Variants in AHNAK2 observed in about 807,000 individuals in gnomAD.
AHNAK2 encodes the protein protein AHNAK2.
In AHNAK2, 18 loss-of-function variants were observed where a neutral mutation model predicts 30.7. The observed-to-expected ratio is 0.59, with a 90% CI of 0.41 to 0.87. The LOEUF (loss-of-function observed/expected upper bound fraction) is 0.87. Ranked by LOEUF, AHNAK2 falls within the 40% of genes least tolerant of loss-of-function variation. The pLI is 0.00. For synonymous variants in AHNAK2, 3,590 were observed against 3,073.8 expected, an observed-to-expected ratio of 1.17 and a Z score of -5.56; for missense variants, 8,604 against 7,373.0, an observed-to-expected ratio of 1.17 and a Z score of -6.11.
intron 3 of AHNAK2, 105 bp from the exon 4 acceptor site, chr14:104,956,794 C>T (rs1364101788): frequency 9.7e-7 from 1 of 1,029,630 alleles, no homozygotes; most frequent in African/African-American, 1.6e-5. Flanking sequence ...CAGAGGGGCC[C>T]AGAACTTCCA....
intron 1 of AHNAK2, among the ~76,000 whole-genome samples, chr14:104,962,334 C>T (rs1299525937): frequency 6.6e-6 from 1 of 152,206 alleles, no homozygotes; most frequent in Non-Finnish European, 1.5e-5. Context: ...CCAGTGGAAT[C>T]AAGACAGTGC....
At position 104,941,212 on chromosome 14, in the gene AHNAK2, G is replaced by T; in HGVS notation, c.14239C>A (p.Gln4747Lys). The T allele has an allele frequency of 1.2e-6, 2 of 1,613,642 alleles. No homozygotes were observed. The highest frequency in any genetic ancestry group is 1.6e-4 in the Middle Eastern group (1 of 6,062). ...SSSECSSFEL[Q>K]QVSACSEPSM... is the part of the protein sequence containing the mutation. ...GGCTCTGAACAAGCCGAAACCTGTT[G>T]TAATTCAAAACTTGAGCATTCTGAA... The change falls in exon 7 of 7, where the codon CAA (glutamine) becomes AAA (lysine). Residue 4747 changes from glutamine (Q) to lysine (K), a missense_variant. Physicochemically the swap from Gln to Lys is moderately conservative, Grantham distance 53 (BLOSUM62 1). Transcript: ENST00000333244.
Position 104,942,768 on chromosome 14 carries a change from T to C in AHNAK2, c.12683A>G (p.Lys4228Arg), listed in dbSNP as rs200965863. The C allele has an allele frequency of 4.0e-4, 643 of 1,612,554 alleles. No homozygotes were observed. Among genetic ancestry groups the C allele is most frequent in the Non-Finnish European group, 5.3e-4 (620 of 1,179,528 alleles). Residue 4228 changes from lysine to arginine, a missense_variant, in exon 7 of 7, where the codon AAA becomes AGA. By Grantham distance (26) the Lys-to-Arg change is conservative. Transcript: ENST00000333244. ...KVQMPCLKMPKVALKGPQVDV... is the reference protein window; with the variant it reads ...KVQMPCLKMPRVALKGPQVDV... ...CACCTGGGGGCCCTTGAGGGCCACT[T>C]TGGGCATCTTCAAACAGGGCATCTG... is the stretch of plus-strand genomic sequence containing the variant.
rs1398909356 is a variant in AHNAK2, at chr14:104,946,897, T to C, written c.8554A>G (p.Met2852Val). The C allele has an allele frequency of 6.2e-7, 1 of 1,612,522 alleles. No individual in the cohort carries two copies. The highest frequency in any genetic ancestry group is 2.2e-5 in the East Asian group (1 of 44,700). The change falls in exon 7 of 7, where the codon ATG becomes GTG. Residue 2852 changes from methionine to valine, a missense_variant. Transcript: ENST00000333244. ...KVEADGSFPS[M>V]QGDLKTTDIR... ...TCAGTGGTCTTAAGATCCCCTTGCA[T>C]GGAGGGGAAGCTCCCGTCAGCTTCC... is the stretch of plus-strand genomic sequence containing the variant.
intron 4 of AHNAK2, 137 bp from the exon 5 acceptor site, chr14:104,955,770 G>A: frequency 8.2e-7 from 1 of 1,213,954 alleles, no homozygotes; most frequent in South Asian, 1.9e-5. Context: ...AGCAGAGTAG[G>A]GTACCCACCA....
chr14:104,957,944 C>T (rs373081391), intron 1 of AHNAK2, among the ~76,000 whole-genome samples: 15 of 152,098 alleles, frequency 9.9e-5, no homozygotes, highest in Non-Finnish European at 2.1e-4. Flanking sequence ...AAACACAAGG[C>T]GTTTGTTATT....
Position 104,941,093 on chromosome 14 carries a change from G to A in AHNAK2, c.14358C>T (p.Pro4786=). ...GPHFESSILS[P]CEDVTLTKYQ... The stretch of plus-strand genomic sequence containing the variant: ...ATTTTGTAAGTGTAACATCCTCACA[G>A]GGAGAGAGAATAGAAGATTCAAAGT... Residue 4786 remains proline, a synonymous_variant, in exon 7 of 7, where the codon CCC becomes CCT. Transcript: ENST00000333244. The A allele has an allele frequency of 6.2e-7, 1 of 1,613,712 alleles. No individual in the cohort carries two copies. The highest frequency in any genetic ancestry group is 8.5e-7 in the Non-Finnish European group (1 of 1,179,894).
At position 104,946,908 on chromosome 14, in the gene AHNAK2, C is replaced by T. The variant is rs186320687; in HGVS notation, c.8543G>A (p.Ser2848Asn). ...VSELKVEADGSFPSMQGDLKT... is the reference protein window; with the variant it reads ...VSELKVEADGNFPSMQGDLKT... ...AAGATCCCCTTGCATGGAGGGGAAG[C>T]TCCCGTCAGCTTCCACCTTCAGCTC... Residue 2848 changes from serine to asparagine, a missense_variant, in exon 7 of 7, where the codon AGC becomes AAC. Coordinates refer to ENST00000333244, the MANE Select transcript of AHNAK2 (RefSeq NM_138420.4). The T allele has an allele frequency of 2.0e-5, 33 of 1,612,594 alleles. No individual in the cohort carries two copies. In the East Asian group the frequency reaches 7.4e-4, roughly 36 times the overall value.
At position 104,953,677 on chromosome 14, in the gene AHNAK2, A is replaced by T. The variant is rs1898875559; in HGVS notation, c.1774T>A (p.Trp592Arg). Reference protein sequence around the residue: ...MPKFKIPSLGWSPSKHTKTGR... With the variant: ...MPKFKIPSLGRSPSKHTKTGR... ...GTCTTTGTGTGCTTGCTTGGCGACC[A>T]TCCTAAGGAGGGTATCTTGAACTTG... The change falls in exon 7 of 7, where the codon TGG becomes AGG. Residue 592 changes from tryptophan to arginine, a missense_variant. By Grantham distance (101) the Trp-to-Arg change is moderately radical. Transcript: ENST00000333244. 1 of 1,613,256 alleles carries T rather than the reference A, an allele frequency of 6.2e-7. No individual in the cohort carries two copies. The highest frequency in any genetic ancestry group is 1.7e-5 in the Admixed American group (1 of 59,964).
rs540806976 is a variant in AHNAK2, at chr14:104,950,046, C to G, written c.5405G>C (p.Ser1802Thr). ...GGACAGGTCACCCTCCAGCCGCACA[C>G]TGTCCAGCTTGGCTCCTGGAGCCTC... ...DVEAPGAKLD[S>T]VRLEGDLSLA... Residue 1802 changes from serine to threonine, a missense_variant, in exon 7 of 7, where the codon AGT (serine) becomes ACT (threonine). Ser to Thr is a moderately conservative substitution (Grantham distance 58). Coordinates refer to ENST00000333244, the MANE Select transcript of AHNAK2 (RefSeq NM_138420.4). 6.3e-7 allele frequency: 1 copy of G among 1,587,082 alleles called. No homozygotes were observed. The highest frequency in any genetic ancestry group is 1.4e-5 in the African/African-American group (1 of 72,170).
At chr14:104,971,825 G>A (rs954413944) in intron 1 of AHNAK2, among the ~76,000 whole-genome samples, 2 of 152,246 alleles carry the variant, frequency 1.3e-5, no homozygotes, top group Admixed American at 6.5e-5. Context: ...CCATAGCCTG[G>A]GTGTGGACGT....
chr14:104,941,924 A>T lies in AHNAK2; in HGVS notation c.13527T>A (p.Thr4509=), dbSNP rs374283156. The change falls in exon 7 of 7, where the codon ACT becomes ACA. Residue 4509 remains threonine (T), a synonymous_variant. Coordinates refer to ENST00000333244, the MANE Select transcript of AHNAK2 (RefSeq NM_138420.4). ...CGGAAGGGGCCTGAATGCGGAGGTC[A>T]GTGGTCTTGAGGTCCCCCTGCATGG... The part of the protein sequence containing the change: ...IPSMQGDLKT[T]DLRIQAPSAD... 6.2e-7 allele frequency: 1 copy of T among 1,613,458 alleles called. No individual in the cohort carries two copies. The highest frequency in any genetic ancestry group is 1.7e-5 in the Admixed American group (1 of 59,986).
At chr14:104,964,804 C>T (rs1200859407) in intron 1 of AHNAK2, among the ~76,000 whole-genome samples, 3 of 152,194 alleles carry the variant, frequency 2.0e-5, no homozygotes, top group South Asian at 4.1e-4. Flanking sequence ...CTGGAGAGGA[C>T]TAATTACTTG....
chr14:104,970,442 C>G, intron 1 of AHNAK2: 1 of 985,472 alleles, frequency 1.0e-6, no homozygotes, highest in Non-Finnish European at 1.2e-6. Context: ...GACATGGACA[C>G]AGGAGCCACT....
chr14:104,950,988 G>C lies in AHNAK2; in HGVS notation c.4463C>G (p.Thr1488Ser), dbSNP rs1248952004. ...GGGCATTTTGAACTTGCTGTCTTTG[G>C]TAGTCAAGTCCTTGTCGGCCAGGGA... ...DMSLADKDLTTKDSKFKMPKF... is the reference protein window; with the variant it reads ...DMSLADKDLTSKDSKFKMPKF... The change falls in exon 7 of 7, where the codon ACC (threonine) becomes AGC (serine). Residue 1488 changes from threonine (T) to serine (S), a missense_variant. By Grantham distance (58) the Thr-to-Ser change is moderately conservative. Transcript: ENST00000333244. 7 of 1,066,894 alleles carry C rather than the reference G, an allele frequency of 6.6e-6. 2 individuals carry two copies. Among genetic ancestry groups the C allele is most frequent in the Non-Finnish European group, 9.5e-6 (7 of 735,406 alleles). The allele number at this position is 1,066,894 out of a possible 1,614,324, so 66.1% of individuals were successfully genotyped here. A position where few individuals can be genotyped will look rare whatever the true frequency, so the allele number is the denominator to read the frequency against.
chr14:104,954,929 C>T lies in AHNAK2; in HGVS notation c.651+28G>A. 1.3e-6 allele frequency: 2 copies of T among 1,587,684 alleles called. No individual in the cohort carries two copies. Reference sequence around the variant, plus strand: ...AGCAGGGTAGTGAAGCCAGCTGGGGCCCTGCCCCCCGGGCATAGTGGTCTC... The same window carrying T: ...AGCAGGGTAGTGAAGCCAGCTGGGGTCCTGCCCCCCGGGCATAGTGGTCTC... On this transcript the variant is annotated intron_variant, in intron 6 of 6. Coordinates refer to ENST00000333244, the MANE Select transcript of AHNAK2 (RefSeq NM_138420.4). This position sits in a 1 kb window ranked among gnomAD's most constrained non-coding sequence, Gnocchi z 4.3.
chr14:104,952,131 T>A lies in AHNAK2; in HGVS notation c.3320A>T (p.Lys1107Met). The change falls in exon 7 of 7, where the codon AAG becomes ATG. Residue 1107 changes from lysine to methionine, a missense_variant. Lys to Met is a moderately conservative substitution (Grantham distance 95, BLOSUM62 -1). Coordinates refer to ENST00000333244, the MANE Select transcript of AHNAK2 (RefSeq NM_138420.4). ...KGPQVDVKGPKLDLKSPKAEV... is the reference protein window; with the variant it reads ...KGPQVDVKGPMLDLKSPKAEV... ...CGCCTTGGGGCTTTTCAGGTCCAGCTTGGGGCCCTTGACGTCCACCTGGGG... is the reference window on the plus strand; with the variant it reads ...CGCCTTGGGGCTTTTCAGGTCCAGCATGGGGCCCTTGACGTCCACCTGGGG... The A allele has an allele frequency of 5.6e-6, 9 of 1,612,604 alleles. No homozygotes were observed. Among genetic ancestry groups the A allele is most frequent in the Non-Finnish European group, 7.6e-6 (9 of 1,179,658 alleles).
chr14:104,976,269 C>A (rs2140886651), intron 1 of AHNAK2, among the ~76,000 whole-genome samples: 1 of 152,260 alleles, frequency 6.6e-6, no homozygotes, highest in South Asian at 2.1e-4. Context: ...GTGGGGTGGT[C>A]CCAGCATGGC....
Position 104,942,920 on chromosome 14 carries a change from C to G in AHNAK2, c.12531G>C (p.Lys4177Asn). ...GGGACTGAATGCTGAGGTCAGTGGT[C>G]TTGAGGTCCCCCTGCATGGAGGGGA... ...VSLPSMQGDL[K>N]TTDLSIQSPS... The change falls in exon 7 of 7, where the codon AAG becomes AAC. Residue 4177 changes from lysine (K) to asparagine (N), a missense_variant. Lys to Asn is a moderately conservative substitution (Grantham distance 94, BLOSUM62 0). Transcript: ENST00000333244. 6.2e-7 allele frequency: 1 copy of G among 1,613,182 alleles called. No homozygotes were observed. Among genetic ancestry groups the G allele is most frequent in the Non-Finnish European group, 8.5e-7 (1 of 1,179,606 alleles).
Sources: allele counts gnomAD v4.1 joint callset (sites outside exome capture counted in the v4.1 genomes callset), GRCh38; gene constraint gnomAD v4.1.1; non-coding constraint Gnocchi (gnomAD v3.1); transcripts MANE v1.5; gene names NCBI Gene and HGNC (gene_info 2026-07-23, HGNC 2026-07-21).